The following SLCO3A1 variants were observed in gnomAD, a reference collection of about 807,000 sequenced individuals.
SLCO3A1 encodes the protein PGE1 transporter.
SLCO3A1 carries 27 observed loss-of-function variants against 63.1 expected under a neutral mutation model. The ratio of observed to expected loss-of-function variants is 0.43; its 90% CI spans 0.32 to 0.59. The LOEUF (loss-of-function observed/expected upper bound fraction) is 0.59. SLCO3A1 is among the 20% of genes least tolerant of loss of function. The pLI is 0.09. For missense variants in SLCO3A1, 773 were observed against 945.8 expected, an observed-to-expected ratio of 0.82 and a Z score of 2.40; for synonymous variants, 473 against 409.9, an observed-to-expected ratio of 1.15 and a Z score of -1.86.
chr15:92,067,975 T>C (rs1796467138), intron 2 of SLCO3A1, among the ~76,000 whole-genome samples: 1 of 152,180 alleles, frequency 6.6e-6, no homozygotes, highest in African/African-American at 2.4e-5. Context: ...GCCTCTTTTT[T>C]AAGGGCACTC....
intron 2 of SLCO3A1, among the ~76,000 whole-genome samples, chr15:91,985,570 G>A (rs2046041506): frequency 6.6e-6 from 1 of 152,132 alleles, no homozygotes; most frequent in Admixed American, 6.5e-5. Flanking sequence ...ATGAGCACGG[G>A]TTGAGGAGCA....
Position 91,853,859 on chromosome 15 carries a change from G to C in SLCO3A1, c.-50G>C, listed in dbSNP as rs991426714. On this transcript the variant is annotated 5_prime_UTR_variant, in exon 1 of 10. Transcript: ENST00000318445. ...CCCGGCAGCGGCCCCGACACCCGGG[G>C]CGAGCGGGAAAGCGGCAGCGGCGGC... The C allele has an allele frequency of 1.6e-6, 2 of 1,268,576 alleles. No homozygotes were observed. The highest frequency in any genetic ancestry group is 3.2e-5 in the African/African-American group (2 of 62,800). The allele number at this position is 1,268,576 out of a possible 1,614,324, so 78.6% of individuals were successfully genotyped here.
intron 4 of SLCO3A1, 44 bp downstream of exon 4, chr15:92,104,586 T>C (rs746212978): frequency 5.7e-6 from 9 of 1,587,472 alleles, no homozygotes; most frequent in Non-Finnish European, 4.3e-6. Context: ...AGTAGGGGGA[T>C]TGGGATGGGG....
chr15:92,097,745 G>T (rs571237744), intron 3 of SLCO3A1, among the ~76,000 whole-genome samples: 1 of 152,178 alleles, frequency 6.6e-6, no homozygotes, highest in Non-Finnish European at 1.5e-5. Flanking sequence ...GTGAGGCACC[G>T]TGTGGCACAG....
intron 1 of SLCO3A1, among the ~76,000 whole-genome samples, chr15:91,910,551 G>A (rs1262053572): frequency 6.6e-6 from 1 of 152,214 alleles, no homozygotes; most frequent in Non-Finnish European, 1.5e-5. Context: ...TCTGATGTAT[G>A]ACTTCATTAA....
intron 1 of SLCO3A1, among the ~76,000 whole-genome samples, chr15:91,892,078 C>T (rs2151357756): frequency 6.6e-6 from 1 of 152,288 alleles, no homozygotes; most frequent in Non-Finnish European, 1.5e-5. Flanking sequence ...GCTGCCCCCT[C>T]CCCCCAGCTT....
In SLCO3A1 at chr15:91,948,063, C is replaced by T. The variant is rs1899871028; in HGVS notation, c.646+31605C>T. Among the ~76,000 whole-genome samples the T allele has an allele frequency of 2.0e-5, 3 of 152,152 alleles. No individual in the cohort carries two copies. Among genetic ancestry groups the T allele is most frequent in the Non-Finnish European group, 4.4e-5 (3 of 68,038 alleles). On this transcript the variant is annotated intron_variant, in intron 2 of 9. Coordinates refer to ENST00000318445, the MANE Select transcript of SLCO3A1 (RefSeq NM_013272.4). The surrounding 1 kb of genome is among the most constrained non-coding windows in gnomAD (Gnocchi z 4.8). ...AAGCAGAATTCAGATGACAGATAGA[C>T]GAATGGAGATAAAATAGAGATTGAC...
chr15:92,059,307 G>A (rs1198078788), intron 2 of SLCO3A1, among the ~76,000 whole-genome samples: 4 of 152,228 alleles, frequency 2.6e-5, no homozygotes, highest in Non-Finnish European at 4.4e-5. Flanking sequence ...CCCTGTGGCT[G>A]GGCTGGTTTA....
intron 1 of SLCO3A1, among the ~76,000 whole-genome samples, chr15:91,904,456 T>A (rs963431427): frequency 2.0e-5 from 3 of 152,302 alleles, no homozygotes. Flanking sequence ...GGGCTTCCGG[T>A]TCCTCCTAGT....
intron 2 of SLCO3A1, among the ~76,000 whole-genome samples, chr15:92,038,527 T>C (rs887542851): frequency 2.0e-5 from 3 of 151,982 alleles, no homozygotes; most frequent in Non-Finnish European, 2.9e-5. Context: ...ATAAAATACC[T>C]AGGGATACAG....
At chr15:92,155,664 C>T (rs1596154214) in intron 9 of SLCO3A1, among the ~76,000 whole-genome samples, 1 of 152,078 alleles carries the variant, frequency 6.6e-6, no homozygotes, top group East Asian at 1.9e-4. Context: ...TGACCACCAG[C>T]AAAGCAGTGG....
chr15:92,039,077 C>A (rs1280719815), intron 2 of SLCO3A1, among the ~76,000 whole-genome samples: 1 of 150,594 alleles, frequency 6.6e-6, no homozygotes. Context: ...ACCCCGTCCT[C>A]CTCAAGATGG....
chr15:91,861,220 G>A (rs1193951262), intron 1 of SLCO3A1, among the ~76,000 whole-genome samples: 1 of 152,228 alleles, frequency 6.6e-6, no homozygotes, highest in Non-Finnish European at 1.5e-5. Context: ...GGAATTGTGT[G>A]TAAAGCACTG....
At chr15:91,904,069 C>T (rs796959820) in intron 1 of SLCO3A1, among the ~76,000 whole-genome samples, 3 of 135,102 alleles carry the variant, frequency 2.2e-5, no homozygotes, top group African/African-American at 8.5e-5. Flanking sequence ...GGGAGGGCCA[C>T]GCTTTTCCTG....
At position 91,857,592 on chromosome 15, in the gene SLCO3A1, G is replaced by A. The variant is rs1597061327; in HGVS notation, c.180+3504G>A. Among the ~76,000 whole-genome samples the A allele has an allele frequency of 4.6e-5, 7 of 152,284 alleles. 1 individual carries two copies. Among genetic ancestry groups the A allele is most frequent in the Admixed American group, 4.6e-4 (7 of 15,296 alleles). ...AGGATGTAACATGTGCTTAAGTCTTGGACTGGTTGGAGAAGATGCAGGCAT... is the reference window on the plus strand; with the variant it reads ...AGGATGTAACATGTGCTTAAGTCTTAGACTGGTTGGAGAAGATGCAGGCAT... On this transcript the variant is annotated intron_variant, in intron 1 of 9. Transcript: ENST00000318445.
chr15:91,903,451 A>G (rs1028525967), intron 1 of SLCO3A1, among the ~76,000 whole-genome samples: 3 of 152,200 alleles, frequency 2.0e-5, no homozygotes, highest in Non-Finnish European at 2.9e-5. Context: ...AACGGACAGG[A>G]CAGTGTGGCG....
chr15:92,011,513 T>G (rs1162673149), intron 2 of SLCO3A1, among the ~76,000 whole-genome samples: 1 of 151,344 alleles, frequency 6.6e-6, no homozygotes, highest in Non-Finnish European at 1.5e-5. Context: ...ACATGCTTCT[T>G]AAAAAAAAAA....
intron 2 of SLCO3A1, among the ~76,000 whole-genome samples, chr15:91,985,269 T>G (rs1254823594): frequency 6.6e-6 from 1 of 152,214 alleles, no homozygotes; most frequent in Non-Finnish European, 1.5e-5. Context: ...TACATTCTCT[T>G]TGTTGGATTG....
intron 1 of SLCO3A1, among the ~76,000 whole-genome samples, chr15:91,884,044 A>G (rs887030906): frequency 3.9e-5 from 6 of 152,248 alleles, no homozygotes; most frequent in African/African-American, 4.8e-5. Context: ...TCGTGATCGT[A>G]TCTAACACTG....
Sources: gnomAD v4.1 joint callset for allele counts (sites outside exome capture counted in the v4.1 genomes callset) on GRCh38, gnomAD v4.1.1 for gene constraint, Gnocchi (gnomAD v3.1) non-coding constraint, MANE v1.5 for transcripts, NCBI Gene and HGNC (gene_info 2026-07-23, HGNC 2026-07-21) for gene names.